LINGO2: variants seen among roughly 807,000 people sequenced by gnomAD.
The protein encoded by LINGO2 is leucine rich repeat and Ig domain containing 2.
In LINGO2, 14 loss-of-function variants were observed where a neutral mutation model predicts 30.6. That is an observed-to-expected ratio of 0.46 (90% CI 0.30 to 0.72). The LOEUF (loss-of-function observed/expected upper bound fraction) is 0.72. Ranked by LOEUF, LINGO2 falls within the 30% of genes least tolerant of loss-of-function variation. LINGO2 has a pLI of 0.07. For synonymous variants in LINGO2, 317 were observed against 288.5 expected, an observed-to-expected ratio of 1.10 and a Z score of -1.00; for missense variants, 729 against 751.7, an observed-to-expected ratio of 0.97 and a Z score of 0.35.
the LINGO2 span, among the ~76,000 whole-genome samples, chr9:28,885,567 T>C: frequency 6.6e-6 from 1 of 151,708 alleles, no homozygotes; most frequent in African/African-American, 2.4e-5. Context: ...TTTAATTGCA[T>C]AGTTAAAGTG....
the LINGO2 span, among the ~76,000 whole-genome samples, chr9:28,812,558 CT>C: frequency 6.6e-6 from 1 of 152,128 alleles, no homozygotes; most frequent in Non-Finnish European, 1.5e-5. Context: ...TTAGTTGCCA[CT>C]AAATGTCCTA....
At chr9:28,381,169 G>A (rs1388878744) in intron 2 of LINGO2, among the ~76,000 whole-genome samples, 1 of 151,906 alleles carries the variant, frequency 6.6e-6, no homozygotes, top group African/African-American at 2.4e-5. Flanking sequence ...TTTTTCCAGA[G>A]TCCTAGTGTG....
chr9:28,534,522 T>G (rs1043234490), intron 1 of LINGO2, among the ~76,000 whole-genome samples: 2 of 152,210 alleles, frequency 1.3e-5, no homozygotes, highest in Non-Finnish European at 2.9e-5. Context: ...CTTGATTATT[T>G]TTTCATTTCC....
chr9:28,899,627 T>C, the LINGO2 span, among the ~76,000 whole-genome samples: 1 of 152,206 alleles, frequency 6.6e-6, no homozygotes, highest in Non-Finnish European at 1.5e-5. Context: ...GCTCTAGGCC[T>C]GCCCAAGTGC....
chr9:29,047,235 G>A, the LINGO2 span, among the ~76,000 whole-genome samples: 2 of 151,844 alleles, frequency 1.3e-5, no homozygotes, highest in Non-Finnish European at 2.9e-5. Context: ...ATTAAAAAGT[G>A]GGCAAAGGAC....
chr9:28,646,355 C>G (rs559538481), intron 1 of LINGO2, among the ~76,000 whole-genome samples: 1 of 152,084 alleles, frequency 6.6e-6, no homozygotes, highest in Non-Finnish European at 1.5e-5. Flanking sequence ...CTAAGGCACA[C>G]ACACATCACG....
At chr9:27,993,416 T>C (rs1821495963) in intron 5 of LINGO2, among the ~76,000 whole-genome samples, 1 of 150,216 alleles carries the variant, frequency 6.7e-6, no homozygotes, top group Non-Finnish European at 1.5e-5. Flanking sequence ...CTCATGCCTG[T>C]AATCCCAACA....
intron 1 of LINGO2, among the ~76,000 whole-genome samples, chr9:28,637,681 G>C (rs1827350271): frequency 6.6e-6 from 1 of 152,128 alleles, no homozygotes; most frequent in Non-Finnish European, 1.5e-5. Context: ...TGAATCCTGA[G>C]ACTTTGCTGA....
At chr9:28,889,932 A>T in the LINGO2 span, among the ~76,000 whole-genome samples, 1 of 152,088 alleles carries the variant, frequency 6.6e-6, no homozygotes. Context: ...AAATGAAAAA[A>T]ATAAATATTC....
At chr9:28,991,449 T>A in the LINGO2 span, among the ~76,000 whole-genome samples, 2 of 148,958 alleles carry the variant, frequency 1.3e-5, no homozygotes, top group African/African-American at 4.9e-5. Context: ...CTGCAGGATA[T>A]TATCCAGGAG....
chr9:28,400,575 C>T (rs1445564021), intron 2 of LINGO2, among the ~76,000 whole-genome samples: 1 of 152,158 alleles, frequency 6.6e-6, no homozygotes, highest in East Asian at 1.9e-4. Context: ...TGTAAAAGTG[C>T]CTTGTAAAAC....
At chr9:29,132,881 C>CT in the LINGO2 span, among the ~76,000 whole-genome samples, 31,943 of 147,592 alleles carry the variant, frequency 0.22, 3,492 homozygotes, top group East Asian at 0.44. Flanking sequence ...ACATGTAATC[C>CT]TTTTTTTTTT....
intron 1 of LINGO2, among the ~76,000 whole-genome samples, chr9:28,608,716 T>A (rs2135775974): frequency 6.6e-6 from 1 of 152,030 alleles, no homozygotes; most frequent in Non-Finnish European, 1.5e-5. Flanking sequence ...TAAAACTAAC[T>A]GTATCATTTT....
intron 3 of LINGO2, among the ~76,000 whole-genome samples, chr9:28,307,534 C>G (rs1402527726): frequency 6.6e-6 from 1 of 152,154 alleles, no homozygotes; most frequent in Non-Finnish European, 1.5e-5. Context: ...CAGGGATGCC[C>G]TCTCTCACCA....
At chr9:29,032,878 A>G in the LINGO2 span, among the ~76,000 whole-genome samples, 3 of 152,248 alleles carry the variant, frequency 2.0e-5, no homozygotes, top group Non-Finnish European at 4.4e-5. Flanking sequence ...CATCATTTGA[A>G]AAAGTTCTGA....
At chr9:28,522,405 T>G (rs952841979) in intron 1 of LINGO2, among the ~76,000 whole-genome samples, 9 of 152,050 alleles carry the variant, frequency 5.9e-5, no homozygotes, top group African/African-American at 9.7e-5. Context: ...ACAATAAATC[T>G]GCGAGGGGAG....
the LINGO2 span, among the ~76,000 whole-genome samples, chr9:28,976,473 A>G: frequency 6.6e-6 from 1 of 152,274 alleles, no homozygotes; most frequent in South Asian, 2.1e-4. Context: ...AGCCCACCAC[A>G]TAAGAATGTA....
chr9:28,018,367 T>C (rs556428399), intron 4 of LINGO2, among the ~76,000 whole-genome samples: 1 of 152,284 alleles, frequency 6.6e-6, no homozygotes, highest in African/African-American at 2.4e-5. Context: ...TGGGACCTAA[T>C]TAAACTGAAG....
chr9:29,115,666 C>A, the LINGO2 span, among the ~76,000 whole-genome samples: 1 of 151,538 alleles, frequency 6.6e-6, no homozygotes, highest in Non-Finnish European at 1.5e-5. Flanking sequence ...TTATTATTAA[C>A]ATTATTGAAG....
Sources: allele counts gnomAD v4.1 joint callset (sites outside exome capture counted in the v4.1 genomes callset), GRCh38; gene constraint gnomAD v4.1.1; transcripts MANE v1.5; gene names NCBI Gene and HGNC (gene_info 2026-07-23, HGNC 2026-07-21).